RAPGEFL1: variants seen among roughly 807,000 people sequenced by gnomAD.
The protein encoded by RAPGEFL1 is rap guanine nucleotide exchange factor-like 1.
A neutral mutation model predicts 64.4 loss-of-function variants in RAPGEFL1; 31 were observed. The ratio of observed to expected loss-of-function variants is 0.48; its 90% CI spans 0.36 to 0.65. The LOEUF is 0.65. Among genes scored for constraint, RAPGEFL1 ranks in the 30% least tolerant of loss-of-function variants. The pLI, the probability that RAPGEFL1 is intolerant of heterozygous loss-of-function variation, is 0.00. For synonymous variants in RAPGEFL1, 331 were observed against 274.1 expected (o/e 1.21, Z -2.05); for missense variants, 682 against 677.4 (o/e 1.01, Z -0.08).
intron 2 of RAPGEFL1, among the ~76,000 whole-genome samples, chr17:40,182,009 G>A (rs1464285146): frequency 6.6e-6 from 1 of 151,644 alleles, no homozygotes; most frequent in Non-Finnish European, 1.5e-5. Context: ...CTTGAACCCG[G>A]GAGGCAAAGG....
intron 5 of RAPGEFL1, 96 bp from the exon 6 acceptor site, chr17:40,189,112 C>T: frequency 6.8e-7 from 1 of 1,474,660 alleles, no homozygotes; most frequent in Non-Finnish European, 9.4e-7. Flanking sequence ...CTTCAGAGGC[C>T]AGCCTCTGGT....
Position 40,194,190 on chromosome 17 carries a change from T to C in RAPGEFL1, c.*402T>C, listed in dbSNP as rs1990379316. 4.6e-6 allele frequency: 1 copy of C among 219,014 alleles called. No individual in the cohort carries two copies. The highest frequency in any genetic ancestry group is 2.3e-5 in the African/African-American group (1 of 43,426). The allele number at this position is 219,014 out of a possible 1,614,324, so 13.6% of individuals were successfully genotyped here. The stretch of plus-strand genomic sequence containing the variant: ...CTTCTTCTCCACCACCTGTCCAGCT[T>C]CTTCCTGGTCAGGGCTGGGACCCCC... On this transcript the variant is annotated 3_prime_UTR_variant, in exon 15 of 15. Coordinates refer to ENST00000620260, the MANE Select transcript of RAPGEFL1 (RefSeq NM_016339.6).
rs375362393 is a variant in RAPGEFL1 at position 40,188,927 on chromosome 17, C to T, written c.895C>T (p.Arg299Trp). The T allele has an allele frequency of 3.2e-5, 51 of 1,614,070 alleles. No individual in the cohort carries two copies. Among genetic ancestry groups the T allele is most frequent in the Non-Finnish European group, 4.0e-5 (47 of 1,180,054 alleles). ...QVKPLFRHFR[R>W]IDSCLQTRVA... ...GAAGCCACTCTTCCGCCACTTCCGC[C>T]GGATAGACTCCTGTCTGCAGACCCG... Residue 299 changes from arginine to tryptophan, a missense_variant, in exon 5 of 15, where the codon CGG (arginine) becomes TGG (tryptophan). Coordinates refer to ENST00000620260, the MANE Select transcript of RAPGEFL1 (RefSeq NM_016339.6).
At chr17:40,185,983 C>T (rs1449674142) in intron 4 of RAPGEFL1, among the ~76,000 whole-genome samples, 2 of 148,374 alleles carry the variant, frequency 1.3e-5, no homozygotes, top group Admixed American at 6.7e-5. Context: ...AAAAAAAGGC[C>T]GGGTGCGGTG....
At chr17:40,185,758 T>C (rs909519443) in intron 4 of RAPGEFL1, among the ~76,000 whole-genome samples, 2 of 126,942 alleles carry the variant, frequency 1.6e-5, no homozygotes, top group African/African-American at 6.3e-5. Context: ...CACTCCAGCC[T>C]GGGCGACAGA....
At position 40,177,697 on chromosome 17, in the gene RAPGEFL1, A is replaced by AC; in HGVS notation, c.-164dup. Reference sequence around the variant, plus strand: ...ACCTCCCCCGGCTACTGGCCACTGGACTCTGGCCAGCGAGGCTCGGCCCCT... The same window carrying AC: ...ACCTCCCCCGGCTACTGGCCACTGGACCTCTGGCCAGCGAGGCTCGGCCCCT... On this transcript the variant is annotated 5_prime_UTR_variant, in exon 1 of 15. Transcript: ENST00000620260. 2.4e-6 allele frequency: 1 copy of AC among 409,192 alleles called. No individual in the cohort carries two copies. Among genetic ancestry groups the AC allele is most frequent in the Non-Finnish European group, 4.2e-6 (1 of 235,642 alleles). The allele number at this position is 409,192 out of a possible 1,614,324, so 25.3% of individuals were successfully genotyped here.
Position 40,189,385 on chromosome 17 carries a change from A to C in RAPGEFL1, c.1114+10A>C. 6.2e-7 allele frequency: 1 copy of C among 1,613,850 alleles called. No homozygotes were observed. The highest frequency in any genetic ancestry group is 8.5e-7 in the Non-Finnish European group (1 of 1,179,912). On this transcript the variant is annotated intron_variant, in intron 6 of 14. Transcript: ENST00000620260. ...GTGTCCTCCTCTGGAGGTGAGGGTC[A>C]GGAAGAACTGGGCTGATGCTCCGAG...
rs113260134 is a variant in RAPGEFL1 at position 40,187,810 on chromosome 17, T to C, written c.834-1056T>C. Among the ~76,000 whole-genome samples, 1,366 of 151,806 alleles carry C rather than the reference T, an allele frequency of 9.0e-3. 20 individuals are homozygous for C. The highest frequency in any genetic ancestry group is 0.032 in the African/African-American group (1,314 of 41,344). On this transcript the variant is annotated intron_variant, in intron 4 of 14. Coordinates refer to ENST00000620260, the MANE Select transcript of RAPGEFL1 (RefSeq NM_016339.6). ...TATTTTTTTTAGTAGAGACGGGGTT[T>C]CATCGTGTTAGCCAGGATGGTCTAG... is the stretch of plus-strand genomic sequence containing the variant.
At chr17:40,192,889 T>C (rs757635825) in intron 12 of RAPGEFL1, 37 bp from the exon 13 acceptor site, 1 of 1,567,572 alleles carries the variant, frequency 6.4e-7, no homozygotes, top group Non-Finnish European at 8.8e-7. Context: ...TCCTCTCTTA[T>C]CCTTTCCTCA....
chr17:40,190,371 A>G, intron 6 of RAPGEFL1, 63 bp from the exon 7 acceptor site: 1 of 1,401,786 alleles, frequency 7.1e-7, no homozygotes, highest in Non-Finnish European at 1.0e-6. Flanking sequence ...GGACAGTGTC[A>G]GTGTGGGATG....
Position 40,186,499 on chromosome 17 carries a change from C to T in RAPGEFL1, c.833+1821C>T, listed in dbSNP as rs530332264. Reference sequence around the variant, plus strand: ...AGGAGAATGGCGTGAACCCGGGAAGCGGAGTTTGCAGTGAGCCGAGATTGC... The same window carrying T: ...AGGAGAATGGCGTGAACCCGGGAAGTGGAGTTTGCAGTGAGCCGAGATTGC... On this transcript the variant is annotated intron_variant, in intron 4 of 14. Coordinates refer to ENST00000620260, the MANE Select transcript of RAPGEFL1 (RefSeq NM_016339.6). Among the ~76,000 whole-genome samples, 657 of 131,446 alleles carry T rather than the reference C, an allele frequency of 5.0e-3. 6 individuals carry two copies. Among genetic ancestry groups the T allele is most frequent in the Non-Finnish European group, 7.8e-3 (501 of 64,402 alleles). The allele number at this position is 131,446 out of a possible 152,430, so 86.2% of individuals were successfully genotyped here.
At chr17:40,187,695 C>T (rs1283255515) in intron 4 of RAPGEFL1, among the ~76,000 whole-genome samples, 2 of 151,838 alleles carry the variant, frequency 1.3e-5, no homozygotes, top group Non-Finnish European at 2.9e-5. Context: ...ACTGCAAGCT[C>T]TACCTCCCAG....
intron 4 of RAPGEFL1, among the ~76,000 whole-genome samples, chr17:40,188,065 C>G (rs1219654110): frequency 6.6e-6 from 1 of 151,766 alleles, no homozygotes; most frequent in Non-Finnish European, 1.5e-5. Flanking sequence ...CAGGTGCACG[C>G]CACTACGCCT....
In RAPGEFL1 at chr17:40,189,209, C is replaced by T. The variant is rs1990177549; in HGVS notation, c.948C>T (p.Ile316=). 1 of 1,613,938 alleles carries T rather than the reference C, an allele frequency of 6.2e-7. No individual in the cohort carries two copies. The highest frequency in any genetic ancestry group is 8.5e-7 in the Non-Finnish European group (1 of 1,179,936). ...TRVAFRGSDE[I]FCRVYMPDHS... is the part of the protein sequence containing the mutation. ...AGCCATTTTCCTGTTTCCGTCCAGT[C>T]TTCTGCCGTGTATACATGCCTGACC... Residue 316 remains isoleucine (I), a splice_region_variant and synonymous_variant, in exon 6 of 15, where the codon ATC becomes ATT. Coordinates refer to ENST00000620260, the MANE Select transcript of RAPGEFL1 (RefSeq NM_016339.6).
At chr17:40,193,220 C>A in intron 13 of RAPGEFL1, 143 bp from the exon 14 acceptor site, 1 of 1,016,086 alleles carries the variant, frequency 9.8e-7, no homozygotes, top group Non-Finnish European at 1.5e-6. Context: ...CTCTGTTACA[C>A]CCACTCCTTT....
At chr17:40,189,881 C>T (rs1990201430) in intron 6 of RAPGEFL1, among the ~76,000 whole-genome samples, 2 of 151,394 alleles carry the variant, frequency 1.3e-5, no homozygotes, top group African/African-American at 2.4e-5. Flanking sequence ...ACTTGAACCG[C>T]GGAGGCGGAG....
chr17:40,187,246 C>T (rs920120172), intron 4 of RAPGEFL1, among the ~76,000 whole-genome samples: 5 of 152,154 alleles, frequency 3.3e-5, no homozygotes, highest in Non-Finnish European at 5.9e-5. Flanking sequence ...TGTGAACCAG[C>T]TTCAGGACAC....
chr17:40,183,695 AT>A (rs1398370952), intron 2 of RAPGEFL1, among the ~76,000 whole-genome samples: 1 of 144,060 alleles, frequency 6.9e-6, no homozygotes, highest in Non-Finnish European at 1.5e-5. Context: ...AATTTTTTGT[AT>A]TTTTAGTAGA....
Position 40,191,537 on chromosome 17 carries a change from G to A in RAPGEFL1, c.1514+43G>A. On this transcript the variant is annotated intron_variant, in intron 9 of 14. Coordinates refer to ENST00000620260, the MANE Select transcript of RAPGEFL1 (RefSeq NM_016339.6). The surrounding 1 kb of genome is among the most constrained non-coding windows in gnomAD (Gnocchi z 5.1). ...CGGGATGGGGGGCCGGAGGCCGGAG[G>A]CCCGCGCCGCCGCCCGCCCCTGACC... 4 of 1,556,730 alleles carry A rather than the reference G, an allele frequency of 2.6e-6. No individual in the cohort carries two copies. The highest frequency in any genetic ancestry group is 3.5e-6 in the Non-Finnish European group (4 of 1,153,146).
Sources: allele counts gnomAD v4.1 joint callset (sites outside exome capture counted in the v4.1 genomes callset), GRCh38; gene constraint gnomAD v4.1.1; non-coding constraint Gnocchi (gnomAD v3.1); transcripts MANE v1.5; gene names NCBI Gene and HGNC (gene_info 2026-07-23, HGNC 2026-07-21).